The following SECISBP2L variants were observed in gnomAD, a reference collection of about 807,000 sequenced individuals.
SECISBP2L encodes the protein selenocysteine insertion sequence-binding protein 2-like.
SECISBP2L carries 43 observed loss-of-function variants against 114.7 expected under a neutral mutation model. That is an observed-to-expected ratio of 0.38 (90% CI 0.29 to 0.48). The LOEUF (loss-of-function observed/expected upper bound fraction) is 0.48. Among genes scored for constraint, SECISBP2L ranks in the 20% least tolerant of loss-of-function variants. The probability of loss-of-function intolerance (pLI) is 0.98; values close to 1 mark genes in which losing one functional copy is unlikely to be tolerated. For synonymous variants in SECISBP2L, 451 were observed against 439.7 expected (o/e 1.03, Z -0.32); for missense variants, 1,136 against 1,301.1 (o/e 0.87, Z 1.95).
intron 1 of SECISBP2L, among the ~76,000 whole-genome samples, chr15:49,041,247 A>T (rs1400468372): frequency 6.6e-6 from 1 of 152,264 alleles, no homozygotes; most frequent in Non-Finnish European, 1.5e-5. Flanking sequence ...AGAATTTTCC[A>T]AATTAATGAA....
Position 48,992,186 on chromosome 15 carries a change from A to C in SECISBP2L, c.*58T>G. 1.3e-6 allele frequency: 2 copies of C among 1,484,676 alleles called. No individual in the cohort carries two copies. The highest frequency in any genetic ancestry group is 1.8e-6 in the Non-Finnish European group (2 of 1,099,812). 92.0% of individuals were successfully genotyped at this position (1,484,676 alleles called of 1,614,324 possible). On this transcript the variant is annotated 3_prime_UTR_variant, in exon 18 of 18. Coordinates refer to ENST00000559471, the MANE Select transcript of SECISBP2L (RefSeq NM_001193489.2). ...AGTGCAAAATGTTGAGATGAAGCATAAAAGGTAATGGCTGCAACCCTTCCA... is the reference window on the plus strand; with the variant it reads ...AGTGCAAAATGTTGAGATGAAGCATCAAAGGTAATGGCTGCAACCCTTCCA...
intron 14 of SECISBP2L, 145 bp downstream of exon 14, chr15:49,009,071 C>A: frequency 3.9e-6 from 3 of 777,696 alleles, no homozygotes; most frequent in South Asian, 1.9e-5. Context: ...ATAATAAACC[C>A]AGCTGTTAAA....
At chr15:49,041,423 A>G (rs574669691) in intron 1 of SECISBP2L, among the ~76,000 whole-genome samples, 1 of 152,244 alleles carries the variant, frequency 6.6e-6, no homozygotes, top group Non-Finnish European at 1.5e-5. Flanking sequence ...AATGTTATTT[A>G]AAAGAGTTTA....
At chr15:49,022,764 G>A (rs1212596389) in intron 7 of SECISBP2L, among the ~76,000 whole-genome samples, 1 of 152,196 alleles carries the variant, frequency 6.6e-6, no homozygotes, top group Non-Finnish European at 1.5e-5. Flanking sequence ...AATTTAATAA[G>A]TGATAAAGGT....
intron 3 of SECISBP2L, among the ~76,000 whole-genome samples, chr15:49,034,484 C>T (rs1902963186): frequency 1.3e-5 from 2 of 151,382 alleles, no homozygotes; most frequent in African/African-American, 2.4e-5. Flanking sequence ...ATTTATCTTC[C>T]ATTTTCTTCA....
chr15:49,042,080 TA>T (rs1338404985), intron 1 of SECISBP2L, among the ~76,000 whole-genome samples: 1 of 152,260 alleles, frequency 6.6e-6, no homozygotes, highest in Non-Finnish European at 1.5e-5. Flanking sequence ...TAATGTTTTT[TA>T]AATCTGATGG....
At chr15:48,995,695 G>A (rs995995161) in intron 17 of SECISBP2L, among the ~76,000 whole-genome samples, 1 of 152,106 alleles carries the variant, frequency 6.6e-6, no homozygotes, top group Non-Finnish European at 1.5e-5. Context: ...AAGTATTATA[G>A]AAATAAGGCA....
chr15:49,038,494 A>G (rs1373948686), intron 1 of SECISBP2L, among the ~76,000 whole-genome samples: 1 of 151,984 alleles, frequency 6.6e-6, no homozygotes, highest in Non-Finnish European at 1.5e-5. Context: ...CTATAAAGAA[A>G]AGTAAATAAA....
chr15:49,027,888 C>T (rs777222916), intron 6 of SECISBP2L, among the ~76,000 whole-genome samples: 16 of 152,136 alleles, frequency 1.1e-4, no homozygotes, highest in Non-Finnish European at 1.6e-4. Context: ...GGATTAGAGG[C>T]GTGAGCCACC....
At chr15:49,024,515 G>T (rs1020683138) in intron 7 of SECISBP2L, among the ~76,000 whole-genome samples, 2 of 138,750 alleles carry the variant, frequency 1.4e-5, no homozygotes, top group South Asian at 2.3e-4. Flanking sequence ...AAAAAAAAAA[G>T]AAAGAAATCA....
chr15:49,027,433 G>A lies in SECISBP2L; in HGVS notation c.967C>T (p.Pro323Ser). The A allele has an allele frequency of 6.2e-7, 1 of 1,609,018 alleles. No individual in the cohort carries two copies. The highest frequency in any genetic ancestry group is 1.1e-5 in the South Asian group (1 of 90,306). ...NVTCQATQKK[P>S]WMEKNQTFSR... ...AATGTCTGATTTTTTTCCATCCAAG[G>A]TTTTTTCTGAGTTGCCTGGCAAGTT... Residue 323 changes from proline (P) to serine (S), a missense_variant, in exon 7 of 18, where the codon CCT (proline) becomes TCT (serine). By Grantham distance (74) the Pro-to-Ser change is moderately conservative. Transcript: ENST00000559471.
rs1015900510 is a variant in SECISBP2L, at chr15:49,011,971, A to G, written c.1732-108T>C. Reference sequence around the variant, plus strand: ...TATGGTAGTTCACTTAAACATGAACATGAGAAGTTTGGCTAACTGGCAAAA... The same window carrying G: ...TATGGTAGTTCACTTAAACATGAACGTGAGAAGTTTGGCTAACTGGCAAAA... On this transcript the variant is annotated intron_variant, in intron 12 of 17. Transcript: ENST00000559471. 4.6e-6 allele frequency: 6 copies of G among 1,305,836 alleles called. No individual in the cohort carries two copies. The Admixed American group carries it at 1.3e-4, about 29-fold the overall frequency. The allele number at this position is 1,305,836 out of a possible 1,614,324, so 80.9% of individuals were successfully genotyped here. A position where few individuals can be genotyped will look rare whatever the true frequency, so the allele number is the denominator to read the frequency against.
intron 1 of SECISBP2L, among the ~76,000 whole-genome samples, chr15:49,043,161 G>C (rs1016504660): frequency 6.6e-6 from 1 of 151,646 alleles, no homozygotes; most frequent in Non-Finnish European, 1.5e-5. Flanking sequence ...ATATCCTTAC[G>C]TAAGGGCCAA....
At chr15:48,995,491 GT>G (rs1289749130) in intron 17 of SECISBP2L, among the ~76,000 whole-genome samples, 1 of 151,778 alleles carries the variant, frequency 6.6e-6, no homozygotes, top group Non-Finnish European at 1.5e-5. Context: ...TGAGGGCTCA[GT>G]TTTTTTTACA....
In SECISBP2L at chr15:49,011,809, G is replaced by T. The variant is rs914582586; in HGVS notation, c.1786C>A (p.Leu596Ile). 26 of 1,613,982 alleles carry T rather than the reference G, an allele frequency of 1.6e-5. No homozygotes were observed. The highest frequency in any genetic ancestry group is 2.1e-5 in the Non-Finnish European group (25 of 1,179,984). The change falls in exon 13 of 18, where the codon CTT becomes ATT. Residue 596 changes from leucine (L) to isoleucine (I), a missense_variant. Physicochemically the swap from Leu to Ile is conservative, Grantham distance 5. Around this residue, in one of 2 missense-constraint regions of SECISBP2L, gnomAD observed 684 missense variants for 848.7 expected, o/e 0.81. Transcript: ENST00000559471. ...KKGRLTVDHN[L>I]LGSEEPTEMH... is the part of the protein sequence containing the mutation. ...TCTGTTGGTTCCTCGGATCCCAAAA[G>T]ATTGTGGTCCACAGTTAAGCGCCCC... is the stretch of plus-strand genomic sequence containing the variant.
chr15:49,001,599 T>C (rs966570302), intron 14 of SECISBP2L: 1 of 153,124 alleles, frequency 6.5e-6, no homozygotes, highest in Non-Finnish European at 1.5e-5. Flanking sequence ...TTTCTCCTAA[T>C]GCTATCCCTC....
At chr15:49,039,896 A>G (rs761024840) in intron 1 of SECISBP2L, among the ~76,000 whole-genome samples, 3 of 152,196 alleles carry the variant, frequency 2.0e-5, no homozygotes, top group Non-Finnish European at 2.9e-5. Context: ...AATCTGAGCT[A>G]GTAGACATTC....
intron 1 of SECISBP2L, among the ~76,000 whole-genome samples, chr15:49,046,021 C>T (rs1044007896): frequency 1.5e-4 from 23 of 152,200 alleles, no homozygotes; most frequent in African/African-American, 5.1e-4. Flanking sequence ...AGCCTTCTGA[C>T]CCCTTCACCA....
Position 48,992,278 on chromosome 15 carries a change from T to G in SECISBP2L, c.3272A>C (p.His1091Pro). ...SSNCSSLNKE[H>P]SDSNYTTQTT ...TTGCGTTGTGTAATTAGAATCAGAG[T>G]GCTCTTTGTTGAGCGAGCTGCAGTT... The change falls in exon 18 of 18, where the codon CAC becomes CCC. Residue 1091 changes from histidine (H) to proline (P), a missense_variant. Around this residue, in one of 2 missense-constraint regions of SECISBP2L, gnomAD observed 684 missense variants for 848.7 expected, o/e 0.81. Transcript: ENST00000559471. The G allele has an allele frequency of 6.2e-7, 1 of 1,610,568 alleles. No individual in the cohort carries two copies. The highest frequency in any genetic ancestry group is 8.5e-7 in the Non-Finnish European group (1 of 1,178,680).
Sources: gnomAD v4.1 joint callset for allele counts (sites outside exome capture counted in the v4.1 genomes callset) on GRCh38, gnomAD v4.1.1 for gene constraint, gnomAD v4.1.1 regional missense constraint, MANE v1.5 for transcripts, NCBI Gene and HGNC (gene_info 2026-07-23, HGNC 2026-07-21) for gene names.